RANBP9: variants seen among roughly 807,000 people sequenced by gnomAD.
RANBP9 encodes the protein RAN binding protein 9, also known as ran-binding protein 9.
Under a neutral mutation model 84.3 loss-of-function variants are expected in RANBP9, and 15 were observed. The ratio of observed to expected loss-of-function variants is 0.18; its 90% CI spans 0.12 to 0.27. The LOEUF (loss-of-function observed/expected upper bound fraction) is 0.27. Ranked by LOEUF, RANBP9 falls within the 10% of genes least tolerant of loss-of-function variation. The pLI, the probability that RANBP9 is intolerant of heterozygous loss-of-function variation, is 1.00. For missense variants in RANBP9, 809 were observed against 912.8 expected, an observed-to-expected ratio of 0.89 and a Z score of 1.46; for synonymous variants, 392 against 349.6, an observed-to-expected ratio of 1.12 and a Z score of -1.35.
At chr6:13,638,771 T>A (rs1764997260) in intron 9 of RANBP9, among the ~76,000 whole-genome samples, 1 of 150,438 alleles carries the variant, frequency 6.6e-6, no homozygotes, top group South Asian at 2.1e-4. Context: ...TCACAGAGAG[T>A]AAGACTGGTG....
chr6:13,666,600 CAAAAAAAAAAA>C (rs70989878), intron 2 of RANBP9, among the ~76,000 whole-genome samples: 1,344 of 43,796 alleles, frequency 0.031, 44 homozygotes, highest in African/African-American at 0.094. Context: ...CCCGTCTCTC[CAAAAAAAAAAA>C]AAAAAAAAAA....
At chr6:13,680,252 C>G (rs183980360) in intron 2 of RANBP9, among the ~76,000 whole-genome samples, 14 of 152,012 alleles carry the variant, frequency 9.2e-5, no homozygotes, top group Non-Finnish European at 1.9e-4. Context: ...ATACTGAAAA[C>G]CATCATACGA....
At chr6:13,658,723 TTTAACCAGAAAGA>T in intron 3 of RANBP9, 44 bp downstream of exon 3, 1 of 1,360,564 alleles carries the variant, frequency 7.3e-7, no homozygotes, top group Non-Finnish European at 1.0e-6. Context: ...ACTTGAAAAA[TTTAACCAGAAAGA>T]GCTACTCATA....
intron 1 of RANBP9, among the ~76,000 whole-genome samples, chr6:13,707,366 T>C (rs1561699412): frequency 6.6e-6 from 1 of 152,242 alleles, no homozygotes; most frequent in Admixed American, 6.5e-5. Flanking sequence ...TTGACTTACC[T>C]TGGATTTCTT....
intron 12 of RANBP9, among the ~76,000 whole-genome samples, chr6:13,629,803 A>C (rs888594892): frequency 1.3e-5 from 2 of 152,166 alleles, no homozygotes; most frequent in African/African-American, 4.8e-5. Context: ...GAAGACTTTG[A>C]AAAAACTAAA....
At chr6:13,641,783 C>T (rs893777883) in intron 7 of RANBP9, among the ~76,000 whole-genome samples, 1 of 152,140 alleles carries the variant, frequency 6.6e-6, no homozygotes, top group African/African-American at 2.4e-5. Flanking sequence ...CTCTGTTCAA[C>T]AGAGCTTATT....
intron 13 of RANBP9, among the ~76,000 whole-genome samples, 199 bp from the exon 14 acceptor site, chr6:13,622,691 T>C (rs1764484874): frequency 6.6e-6 from 1 of 152,210 alleles, no homozygotes; most frequent in African/African-American, 2.4e-5. Flanking sequence ...GGGTATTGTG[T>C]ATTCAACTAT....
chr6:13,674,852 T>C (rs1765854091), intron 2 of RANBP9, among the ~76,000 whole-genome samples: 1 of 152,228 alleles, frequency 6.6e-6, no homozygotes, highest in Non-Finnish European at 1.5e-5. Context: ...GTTACCTTTG[T>C]CTTAAGTTTT....
intron 3 of RANBP9, among the ~76,000 whole-genome samples, chr6:13,657,513 C>A (rs1765428773): frequency 6.6e-6 from 1 of 152,046 alleles, no homozygotes; most frequent in Admixed American, 6.5e-5. Flanking sequence ...ACAGAGAGAA[C>A]CCCCTACCAG....
At chr6:13,704,454 C>A (rs916348710) in intron 1 of RANBP9, among the ~76,000 whole-genome samples, 1 of 151,976 alleles carries the variant, frequency 6.6e-6, no homozygotes, top group Admixed American at 6.6e-5. Context: ...ATGGCAAAAC[C>A]CCCTTCTCTA....
Position 13,659,716 on chromosome 6 carries a change from C to G in RANBP9, c.684-884G>C, listed in dbSNP as rs1284486010. 2.0e-5 allele frequency among the ~76,000 whole-genome samples: 3 copies of G among 152,188 alleles called. No homozygotes were observed. In the South Asian group the frequency reaches 6.2e-4, roughly 32 times the overall value. ...CATTTGATAAAATTCGGCCACCATT[C>G]CTAATAAGAACTCCAATAAAATAAG... is the stretch of plus-strand genomic sequence containing the variant. On this transcript the variant is annotated intron_variant, in intron 2 of 13. Transcript: ENST00000011619.
chr6:13,664,784 T>G (rs913844533), intron 2 of RANBP9, among the ~76,000 whole-genome samples: 1 of 152,080 alleles, frequency 6.6e-6, no homozygotes, highest in Non-Finnish European at 1.5e-5. Flanking sequence ...ATAAGTAAAA[T>G]GTATATGGAA....
Position 13,622,434 on chromosome 6 carries a change from T to C in RANBP9, c.2118A>G (p.Gln706=), listed in dbSNP as rs745325494. ...PLALAMGQAT[Q]CLGLMARSGI... ...CTGATCGAGCCATCAGTCCTAGACA[T>C]TGTGTGGCCTGTCCCATTGCTAGGG... Residue 706 remains glutamine (Q), a synonymous_variant, in exon 14 of 14, where the codon CAA becomes CAG. Transcript: ENST00000011619. 2.1e-5 allele frequency: 34 copies of C among 1,606,048 alleles called. No homozygotes were observed. The highest frequency in any genetic ancestry group is 2.2e-5 in the Non-Finnish European group (26 of 1,176,154).
At chr6:13,669,684 C>T (rs531331951) in intron 2 of RANBP9, among the ~76,000 whole-genome samples, 1 of 152,224 alleles carries the variant, frequency 6.6e-6, no homozygotes, top group South Asian at 2.1e-4. Flanking sequence ...TTTTTTCTCC[C>T]GATTAGGTGA....
chr6:13,697,387 C>T (rs1757863980), intron 1 of RANBP9, among the ~76,000 whole-genome samples: 1 of 152,170 alleles, frequency 6.6e-6, no homozygotes, highest in South Asian at 2.1e-4. Flanking sequence ...GGCAAAACAG[C>T]TTTCTTAAGA....
At chr6:13,633,873 C>T (rs935924438) in intron 11 of RANBP9, among the ~76,000 whole-genome samples, 6 of 151,960 alleles carry the variant, frequency 3.9e-5, no homozygotes, top group African/African-American at 1.2e-4. Context: ...CAATTTACTA[C>T]TTAAGTTGTC....
At chr6:13,663,307 C>A (rs1562309839) in intron 2 of RANBP9, among the ~76,000 whole-genome samples, 1 of 151,818 alleles carries the variant, frequency 6.6e-6, no homozygotes, top group Non-Finnish European at 1.5e-5. Context: ...CAAAAGCCTG[C>A]CAACACAAAA....
At position 13,625,744 on chromosome 6, in the gene RANBP9, T is replaced by C; in HGVS notation, c.1968A>G (p.Ala656=). Residue 656 remains alanine (A), a synonymous_variant, in exon 13 of 14, where the codon GCA becomes GCG. Coordinates refer to ENST00000011619, the MANE Select transcript of RANBP9 (RefSeq NM_005493.3). ...KMLKDAFSLL[A]YSDPWNSPVG... The stretch of plus-strand genomic sequence containing the variant: ...CTGGGCTGTTCCAGGGATCTGAATA[T>C]GCTAGTAGACTGAATGCATCCTGTT... 2 of 1,610,086 alleles carry C rather than the reference T, an allele frequency of 1.2e-6. No homozygotes were observed. The highest frequency in any genetic ancestry group is 1.7e-6 in the Non-Finnish European group (2 of 1,176,452).
At chr6:13,627,006 C>G (rs1409942407) in intron 12 of RANBP9, among the ~76,000 whole-genome samples, 3 of 152,224 alleles carry the variant, frequency 2.0e-5, no homozygotes, top group Admixed American at 2.0e-4. Flanking sequence ...TGCCTCTACG[C>G]AAACACACAT....
Sources: gnomAD v4.1 joint callset for allele counts (sites outside exome capture counted in the v4.1 genomes callset) on GRCh38, gnomAD v4.1.1 for gene constraint, MANE v1.5 for transcripts, NCBI Gene and HGNC (gene_info 2026-07-23, HGNC 2026-07-21) for gene names.